The following AZI2 variants were observed in gnomAD, a reference collection of about 807,000 sequenced individuals.
The protein encoded by AZI2 is 5-azacytidine induced 2.
A neutral mutation model predicts 45.8 loss-of-function variants in AZI2; 22 were observed. That is an observed-to-expected ratio of 0.48 (90% confidence interval 0.34 to 0.69). AZI2 has a LOEUF of 0.69. AZI2 is among the 30% of genes least tolerant of loss of function. The pLI is 0.01. For missense variants in AZI2, 417 were observed against 441.5 expected (o/e 0.94, Z 0.50); for synonymous variants, 137 against 156.7 (o/e 0.87, Z 0.94).
At chr3:28,327,538 A>G (rs1406412176) in intron 6 of AZI2, among the ~76,000 whole-genome samples, 2 of 151,120 alleles carry the variant, frequency 1.3e-5, no homozygotes, top group African/African-American at 4.8e-5. Context: ...GAAGAGCCAG[A>G]TGATTTCCTG....
chr3:28,322,823 TAGAAG>T lies in AZI2; in HGVS notation c.*1214_*1218del, dbSNP rs1703228240. On this transcript the variant is annotated 3_prime_UTR_variant, in exon 8 of 8. Coordinates refer to ENST00000479665, the MANE Select transcript of AZI2 (RefSeq NM_022461.5). ...GTATGTATGCTATTCAGTAATACAG[TAGAAG>T]AGATCTGAGATATTGAGTTCAAGAT... The T allele has an allele frequency of 6.6e-6, 1 of 151,396 alleles. No homozygotes were observed. The highest frequency in any genetic ancestry group is 2.1e-4 in the South Asian group (1 of 4,828). 9.4% of individuals were successfully genotyped at this position (151,396 alleles called of 1,614,324 possible). A position where few individuals can be genotyped will look rare whatever the true frequency, so the allele number is the denominator to read the frequency against.
intron 6 of AZI2, among the ~76,000 whole-genome samples, chr3:28,330,925 T>C (rs1428939772): frequency 6.6e-6 from 1 of 151,410 alleles, no homozygotes; most frequent in Non-Finnish European, 1.5e-5. Context: ...CTTTAAAGAA[T>C]TGCGAGACTA....
intron 2 of AZI2, among the ~76,000 whole-genome samples, chr3:28,339,281 G>C (rs1173812933): frequency 1.3e-5 from 2 of 151,944 alleles, no homozygotes; most frequent in Non-Finnish European, 2.9e-5. Flanking sequence ...CCCAGCCAAG[G>C]CATACTTGAC....
intron 2 of AZI2, among the ~76,000 whole-genome samples, chr3:28,339,451 C>T (rs2125660056): frequency 1.3e-5 from 2 of 151,112 alleles, no homozygotes; most frequent in Non-Finnish European, 3.0e-5. Flanking sequence ...CTATGTGCCC[C>T]AAAATGTTAC....
At chr3:28,348,242 CTT>C (rs1704344416) in intron 1 of AZI2, 1 of 152,086 alleles carries the variant, frequency 6.6e-6, no homozygotes, top group South Asian at 2.1e-4. Flanking sequence ...CAATGTCCCT[CTT>C]TTCTTTCCGA....
chr3:28,335,272 C>T (rs531952797), intron 5 of AZI2, among the ~76,000 whole-genome samples: 62 of 151,840 alleles, frequency 4.1e-4, no homozygotes, highest in Non-Finnish European at 7.7e-4. Context: ...ATATCTATCA[C>T]GTATAAAGGC....
At chr3:28,333,706 T>C (rs1703676333) in intron 5 of AZI2, among the ~76,000 whole-genome samples, 1 of 151,610 alleles carries the variant, frequency 6.6e-6, no homozygotes, top group Admixed American at 6.6e-5. Flanking sequence ...AAAGACCCTT[T>C]TGTTGGCTAG....
intron 6 of AZI2, among the ~76,000 whole-genome samples, chr3:28,328,114 T>C (rs1703448008): frequency 6.6e-6 from 1 of 151,142 alleles, no homozygotes; most frequent in South Asian, 2.1e-4. Context: ...CAGAAAAATC[T>C]GCTTTAGTCT....
chr3:28,333,610 G>A (rs910504388), intron 5 of AZI2, among the ~76,000 whole-genome samples: 1 of 151,550 alleles, frequency 6.6e-6, no homozygotes, highest in African/African-American at 2.4e-5. Flanking sequence ...GTTTGAGTGG[G>A]AAAATGTTTT....
In AZI2 at chr3:28,323,057, GC is replaced by G. The variant is rs1703238886; in HGVS notation, c.*984del. On this transcript the variant is annotated 3_prime_UTR_variant, in exon 8 of 8. Transcript: ENST00000479665. ...TTTCATGATCGACAATATCAATACA[GC>G]CCAAACCCTGATTTCTATGATTAAA... 1 of 150,936 alleles carries G rather than the reference GC, an allele frequency of 6.6e-6. No homozygotes were observed. Among genetic ancestry groups the G allele is most frequent in the Non-Finnish European group, 1.5e-5 (1 of 67,328 alleles). The allele number at this position is 150,936 out of a possible 1,614,324, so 9.3% of individuals were successfully genotyped here.
At chr3:28,334,374 C>T (rs909023827) in intron 5 of AZI2, among the ~76,000 whole-genome samples, 1 of 151,900 alleles carries the variant, frequency 6.6e-6, no homozygotes, top group Admixed American at 6.6e-5. Flanking sequence ...AGCAACATCA[C>T]TGAAACAAGA....
intron 5 of AZI2, among the ~76,000 whole-genome samples, chr3:28,335,203 C>T (rs1703742236): frequency 6.6e-6 from 1 of 152,034 alleles, no homozygotes; most frequent in South Asian, 2.1e-4. Context: ...TAATAAGCAA[C>T]ACCAAAATTA....
intron 2 of AZI2, among the ~76,000 whole-genome samples, chr3:28,339,675 C>A (rs1703934936): frequency 3.9e-5 from 6 of 151,966 alleles, no homozygotes; most frequent in Admixed American, 3.9e-4. Context: ...TTATATTACA[C>A]AGGACAATGC....
intron 6 of AZI2, chr3:28,331,813 C>A: frequency 6.5e-7 from 1 of 1,533,170 alleles, no homozygotes. Flanking sequence ...AAAAATGATA[C>A]GTATTTGAGG....
At chr3:28,333,563 C>T (rs1577128424) in intron 5 of AZI2, among the ~76,000 whole-genome samples, 2 of 151,554 alleles carry the variant, frequency 1.3e-5, no homozygotes, top group African/African-American at 4.8e-5. Flanking sequence ...GAAAACCTTC[C>T]TCATTTTTAA....
Position 28,338,344 on chromosome 3 carries a change from A to C in AZI2, c.339+149T>G, listed in dbSNP as rs1426169108. 3 of 852,366 alleles carry C rather than the reference A, an allele frequency of 3.5e-6. No homozygotes were observed. The East Asian group carries it at 8.4e-5, about 24-fold the overall frequency. The allele number at this position is 852,366 out of a possible 1,614,324, so 52.8% of individuals were successfully genotyped here. On this transcript the variant is annotated intron_variant, in intron 3 of 7. Transcript: ENST00000479665. ...ATATTTTACATAAAAATAAGTTAAA[A>C]TATTACTAAAATTTCCATTTTGCCT...
At chr3:28,327,099 A>G (rs1434055927) in intron 6 of AZI2, 149 bp from the exon 7 acceptor site, 1 of 583,970 alleles carries the variant, frequency 1.7e-6, no homozygotes, top group Admixed American at 3.1e-5. Flanking sequence ...ATATTTAACT[A>G]GGGCATTAAT....
chr3:28,345,423 A>T (rs1704184242), intron 1 of AZI2, among the ~76,000 whole-genome samples: 1 of 152,144 alleles, frequency 6.6e-6, no homozygotes, highest in Non-Finnish European at 1.5e-5. Flanking sequence ...AATAAAGCAC[A>T]TTTATAGGCA....
At chr3:28,341,504 C>T (rs1704015666) in intron 1 of AZI2, 1 of 152,034 alleles carries the variant, frequency 6.6e-6, no homozygotes, top group South Asian at 2.1e-4. Context: ...AAGAGAAGAG[C>T]TCGTTACCTT....
Sources: allele counts gnomAD v4.1 joint callset (sites outside exome capture counted in the v4.1 genomes callset), GRCh38; gene constraint gnomAD v4.1.1; transcripts MANE v1.5; gene names NCBI Gene and HGNC (gene_info 2026-07-23, HGNC 2026-07-21).